The following PALM2AKAP2 variants were observed in gnomAD, a reference collection of about 807,000 sequenced individuals.
The protein encoded by PALM2AKAP2 is PALM2 and AKAP2 fusion.
A neutral mutation model predicts 71.5 loss-of-function variants in PALM2AKAP2; 37 were observed. The observed-to-expected ratio is 0.52, with a 90% CI of 0.40 to 0.68. PALM2AKAP2 has a LOEUF of 0.68. Among genes scored for constraint, PALM2AKAP2 ranks in the 30% least tolerant of loss-of-function variants. The pLI is 0.00. For synonymous variants in PALM2AKAP2, 468 were observed against 478.8 expected, an observed-to-expected ratio of 0.98 and a Z score of 0.29; for missense variants, 1,224 against 1,191.8, an observed-to-expected ratio of 1.03 and a Z score of -0.40.
At chr9:109,919,459 G>A (rs1261310834) in intron 3 of PALM2AKAP2, among the ~76,000 whole-genome samples, 1 of 152,042 alleles carries the variant, frequency 6.6e-6, no homozygotes, top group East Asian at 1.9e-4. Flanking sequence ...CCATTACTCA[G>A]AGACAACTAT....
chr9:109,846,361 G>C (rs889596945), intron 1 of PALM2AKAP2, among the ~76,000 whole-genome samples: 4 of 152,162 alleles, frequency 2.6e-5, no homozygotes, highest in Admixed American at 2.0e-4. Flanking sequence ...AATTCTAAAG[G>C]TCTCCCAATG....
chr9:110,053,244 C>T (rs1219473858), intron 1 of PALM2AKAP2, among the ~76,000 whole-genome samples: 8 of 152,044 alleles, frequency 5.3e-5, no homozygotes, highest in Admixed American at 4.6e-4. Context: ...CATGTAACTG[C>T]GCCAGGCGCG....
At chr9:110,012,669 T>C (rs1451047926) in intron 6 of PALM2AKAP2, among the ~76,000 whole-genome samples, 1 of 152,262 alleles carries the variant, frequency 6.6e-6, no homozygotes, top group Non-Finnish European at 1.5e-5. Context: ...CTCACTCTTG[T>C]TATGAAATGT....
intron 1 of PALM2AKAP2, among the ~76,000 whole-genome samples, chr9:109,693,988 T>G (rs535876294): frequency 2.6e-5 from 4 of 152,060 alleles, no homozygotes; most frequent in Admixed American, 1.3e-4. Context: ...GATATGATAT[T>G]ATAGATTTAT....
rs768229567 is a variant in PALM2AKAP2 at position 110,071,163 on chromosome 9, C to CAAA, written c.156+22320_156+22322dup. 8.8e-5 allele frequency among the ~76,000 whole-genome samples: 9 copies of CAAA among 101,846 alleles called. 1 individual carries two copies. Among genetic ancestry groups the CAAA allele is most frequent in the East Asian group, 2.8e-4 (1 of 3,534 alleles). The allele number at this position is 101,846 out of a possible 152,430, so 66.8% of individuals were successfully genotyped here. On this transcript the variant is annotated intron_variant, in intron 1 of 3. Transcript: ENST00000374525. ...TGGGCAACAGAGCGAGACTCTGTTT[C>CAAA]AAAAAAAAAAAAAAGAATTGGTAGA...
At chr9:109,925,141 T>G (rs1409943185) in intron 5 of PALM2AKAP2, 59 bp downstream of exon 5, 15 of 1,609,618 alleles carry the variant, frequency 9.3e-6, no homozygotes, top group Non-Finnish European at 1.3e-5. Context: ...GCTTAGGGGG[T>G]TTCATTAACA....
chr9:109,738,926 G>A (rs1022923350), intron 1 of PALM2AKAP2, among the ~76,000 whole-genome samples: 9 of 152,184 alleles, frequency 5.9e-5, no homozygotes, highest in Non-Finnish European at 1.3e-4. Context: ...AGAGCCCAAA[G>A]GTTCAAAAAT....
chr9:109,867,954 G>T (rs187319095), intron 2 of PALM2AKAP2, among the ~76,000 whole-genome samples: 1 of 152,062 alleles, frequency 6.6e-6, no homozygotes, highest in Non-Finnish European at 1.5e-5. Flanking sequence ...TATATTTCAC[G>T]GAACGTTCTT....
At chr9:109,752,564 G>A (rs979526421) in intron 1 of PALM2AKAP2, among the ~76,000 whole-genome samples, 7 of 152,108 alleles carry the variant, frequency 4.6e-5, no homozygotes, top group African/African-American at 1.2e-4. Context: ...CATGTGGAAT[G>A]TTTGGTAAGT....
chr9:109,927,777 G>A (rs1373047392), intron 5 of PALM2AKAP2, among the ~76,000 whole-genome samples: 1 of 152,166 alleles, frequency 6.6e-6, no homozygotes, highest in Non-Finnish European at 1.5e-5. Context: ...TTGTTATATA[G>A]CAGAACGCTC....
intron 1 of PALM2AKAP2, among the ~76,000 whole-genome samples, chr9:109,642,508 A>T: frequency 6.7e-6 from 1 of 148,690 alleles, no homozygotes; most frequent in East Asian, 2.1e-4. Context: ...TTACTGTTGC[A>T]CCAACCTAAT....
intron 1 of PALM2AKAP2, among the ~76,000 whole-genome samples, chr9:109,830,402 G>A (rs185367817): frequency 3.3e-5 from 5 of 152,222 alleles, no homozygotes; most frequent in African/African-American, 1.2e-4. Flanking sequence ...GTTCTGGTCC[G>A]TTCATCAAAC....
At chr9:109,819,794 AC>A (rs1201287868) in intron 1 of PALM2AKAP2, among the ~76,000 whole-genome samples, 2 of 152,060 alleles carry the variant, frequency 1.3e-5, no homozygotes, top group African/African-American at 2.4e-5. Context: ...AAGATCAGCC[AC>A]CCTGAGTTGA....
chr9:109,655,146 A>G (rs1462767075), intron 1 of PALM2AKAP2, among the ~76,000 whole-genome samples: 2 of 152,074 alleles, frequency 1.3e-5, no homozygotes, highest in African/African-American at 4.8e-5. Context: ...GTACAAAAAA[A>G]TTAGCCGGGT....
intron 1 of PALM2AKAP2, among the ~76,000 whole-genome samples, chr9:109,664,207 A>G (rs1377220983): frequency 6.6e-6 from 1 of 152,092 alleles, no homozygotes; most frequent in Non-Finnish European, 1.5e-5. Flanking sequence ...TAATATTGTT[A>G]TGTGTGTATT....
chr9:110,090,646 A>T (rs1427511599), intron 1 of PALM2AKAP2, among the ~76,000 whole-genome samples: 3 of 152,226 alleles, frequency 2.0e-5, no homozygotes, highest in Non-Finnish European at 4.4e-5. Context: ...TTTCTTTAAG[A>T]GAGGTAAAGC....
chr9:109,817,381 T>G (rs1407128597), intron 1 of PALM2AKAP2, among the ~76,000 whole-genome samples: 3 of 152,212 alleles, frequency 2.0e-5, no homozygotes, highest in Non-Finnish European at 4.4e-5. Flanking sequence ...ACCAGGGAAA[T>G]GCACATCACT....
intron 1 of PALM2AKAP2, among the ~76,000 whole-genome samples, chr9:109,790,359 T>G (rs1827082819): frequency 6.6e-6 from 1 of 152,232 alleles, no homozygotes. Flanking sequence ...CTCTGCTAAA[T>G]TATAACCAGT....
At chr9:109,949,619 G>T (rs1216760597) in intron 6 of PALM2AKAP2, among the ~76,000 whole-genome samples, 3 of 152,162 alleles carry the variant, frequency 2.0e-5, no homozygotes, top group African/African-American at 7.2e-5. Flanking sequence ...AGCCTTGGGG[G>T]CATGAACAAA....
Sources: allele counts gnomAD v4.1 joint callset (sites outside exome capture counted in the v4.1 genomes callset), GRCh38; gene constraint gnomAD v4.1.1; transcripts MANE v1.5; gene names NCBI Gene and HGNC (gene_info 2026-07-23, HGNC 2026-07-21).